The following ASTE1 variants were observed in gnomAD, a reference collection of about 807,000 sequenced individuals.
ASTE1 encodes the protein single-strand DNA endonuclease ASTE1.
A neutral mutation model predicts 45.8 loss-of-function variants in ASTE1; 49 were observed. That is an observed-to-expected ratio of 1.07 (90% CI 0.85 to 1.36). ASTE1 has a LOEUF of 1.36. Ranked by LOEUF, ASTE1 falls within the 40% of genes most tolerant of loss-of-function variation. The pLI is 0.00. For synonymous variants in ASTE1, 296 were observed against 303.9 expected, an observed-to-expected ratio of 0.97 and a Z score of 0.27; for missense variants, 709 against 804.0, an observed-to-expected ratio of 0.88 and a Z score of 1.43.
chr3:131,019,654 T>A (rs957398456), intron 3 of ASTE1, among the ~76,000 whole-genome samples: 2 of 152,236 alleles, frequency 1.3e-5, no homozygotes, highest in African/African-American at 4.8e-5. Flanking sequence ...TCCTAGTGTC[T>A]GCACACAGCC....
At chr3:131,019,626 GAAAAAGAA>G (rs2063715572) in intron 3 of ASTE1, among the ~76,000 whole-genome samples, 1 of 152,122 alleles carries the variant, frequency 6.6e-6, no homozygotes, top group Non-Finnish European at 1.5e-5. Flanking sequence ...CAAACTTTAA[GAAAAAGAA>G]AAGTTGTATT....
At chr3:131,023,793 C>G (rs528746900) in intron 3 of ASTE1, among the ~76,000 whole-genome samples, 20 of 152,202 alleles carry the variant, frequency 1.3e-4, no homozygotes, top group Non-Finnish European at 2.2e-4. Flanking sequence ...AGATTTAGAG[C>G]TAAAAGAGCT....
chr3:131,025,252 T>G lies in ASTE1; in HGVS notation c.55A>C (p.Thr19Pro), dbSNP rs1560066418. The G allele has an allele frequency of 3.1e-6, 5 of 1,614,190 alleles. No individual in the cohort carries two copies. Among genetic ancestry groups the G allele is most frequent in the Non-Finnish European group, 3.4e-6 (4 of 1,180,034 alleles). Residue 19 changes from threonine (T) to proline (P), a missense_variant, in exon 3 of 6, where the codon ACT becomes CCT. By Grantham distance (38) the Thr-to-Pro change is conservative. Transcript: ENST00000264992. ...FVEDHSNEFFTDLKLRDTKIV... is the reference protein window; with the variant it reads ...FVEDHSNEFFPDLKLRDTKIV... ...TTTGTGTCCCGCAACTTCAAATCAGTGAAGAACTCATTACTATGATCTTCC... is the reference window on the plus strand; with the variant it reads ...TTTGTGTCCCGCAACTTCAAATCAGGGAAGAACTCATTACTATGATCTTCC...
At chr3:131,016,074 A>G in intron 5 of ASTE1, 70 bp downstream of exon 5, 1 of 1,544,944 alleles carries the variant, frequency 6.5e-7, no homozygotes, top group Non-Finnish European at 8.8e-7. Flanking sequence ...TGTTGCTTTA[A>G]ATATAAGTGA....
At chr3:131,022,831 G>GGCTA (rs1361659652) in intron 3 of ASTE1, among the ~76,000 whole-genome samples, 2 of 152,146 alleles carry the variant, frequency 1.3e-5, no homozygotes, top group Admixed American at 1.3e-4. Flanking sequence ...GAGGCTAAGA[G>GGCTA]GCTAGTTCCT....
intron 3 of ASTE1, among the ~76,000 whole-genome samples, chr3:131,020,976 G>A (rs1004752043): frequency 2.6e-5 from 4 of 152,040 alleles, no homozygotes; most frequent in Non-Finnish European, 5.9e-5. Flanking sequence ...CACACCATAC[G>A]CACCCACAAA....
At position 131,024,019 on chromosome 3, in the gene ASTE1, T is replaced by C. The variant is rs1310734161; in HGVS notation, c.1288A>G (p.Ser430Gly). 9.4e-6 allele frequency: 15 copies of C among 1,600,658 alleles called. No homozygotes were observed. Among genetic ancestry groups the C allele is most frequent in the Non-Finnish European group, 1.3e-5 (15 of 1,171,506 alleles). The change falls in exon 3 of 6, where the codon AGC becomes GGC. Residue 430 changes from serine to glycine, a missense_variant. Physicochemically the swap from Ser to Gly is moderately conservative, Grantham distance 56. Coordinates refer to ENST00000264992, the MANE Select transcript of ASTE1 (RefSeq NM_014065.4). The part of the protein sequence containing the change: ...VELAKDHSDL[S>G]RLTELSLRRR... Reference sequence around the variant, plus strand: ...CAAATACTTACCTCAGTCAATCTGCTTAAGTCAGAATGATCCTTGGCCAGT... The same window carrying C: ...CAAATACTTACCTCAGTCAATCTGCCTAAGTCAGAATGATCCTTGGCCAGT...
At chr3:131,017,699 C>G (rs551533169) in intron 4 of ASTE1, among the ~76,000 whole-genome samples, 1 of 151,946 alleles carries the variant, frequency 6.6e-6, no homozygotes, top group Non-Finnish European at 1.5e-5. Context: ...TGGCCGGGCG[C>G]GGTGGCTCAT....
chr3:131,014,330 A>C lies in ASTE1; in HGVS notation c.1767T>G (p.Ser589=), dbSNP rs1320598894. The C allele has an allele frequency of 1.2e-6, 2 of 1,613,232 alleles. No individual in the cohort carries two copies. The highest frequency in any genetic ancestry group is 1.3e-5 in the African/African-American group (1 of 74,858). ...GLCQQLLAST[S]VESLLSICPE... ...GACATATGCTCAGGAGACTTTCTACAGAGGTCGATGCTAGCAGTTGCTGGC... is the reference window on the plus strand; with the variant it reads ...GACATATGCTCAGGAGACTTTCTACCGAGGTCGATGCTAGCAGTTGCTGGC... The change falls in exon 6 of 6, where the codon TCT becomes TCG. Residue 589 remains serine, a synonymous_variant. Coordinates refer to ENST00000264992, the MANE Select transcript of ASTE1 (RefSeq NM_014065.4).
At position 131,026,508 on chromosome 3, in the gene ASTE1, C is replaced by G. The variant is rs1305546169; in HGVS notation, c.-148G>C. On this transcript the variant is annotated splice_region_variant and 5_prime_UTR_variant, in exon 1 of 6. Coordinates refer to ENST00000264992, the MANE Select transcript of ASTE1 (RefSeq NM_014065.4). ...GGACCTGCAGCAGAGCCCACCTACT[C>G]TGTCCTCCCAGAGGAGTAGCTCCTC... is the stretch of plus-strand genomic sequence containing the variant. 3.3e-5 allele frequency: 5 copies of G among 152,882 alleles called. No homozygotes were observed. Among genetic ancestry groups the G allele is most frequent in the African/African-American group, 1.2e-4 (5 of 41,472 alleles). 9.5% of individuals were successfully genotyped at this position (152,882 alleles called of 1,614,324 possible). A position where few individuals can be genotyped will look rare whatever the true frequency, so the allele number is the denominator to read the frequency against.
At chr3:131,023,502 T>C (rs2063769381) in intron 3 of ASTE1, among the ~76,000 whole-genome samples, 1 of 152,162 alleles carries the variant, frequency 6.6e-6, no homozygotes, top group African/African-American at 2.4e-5. Context: ...CAAATAACCA[T>C]AATGACACAA....
chr3:131,021,736 ATTATT>A (rs1236672751), intron 3 of ASTE1, among the ~76,000 whole-genome samples: 1 of 152,208 alleles, frequency 6.6e-6, no homozygotes, highest in Non-Finnish European at 1.5e-5. Context: ...GGATACATTG[ATTATT>A]TTAATTGTAG....
Position 131,016,144 on chromosome 3 carries a change from C to T in ASTE1, c.1709G>A (p.Arg570Gln), listed in dbSNP as rs146481344. The T allele has an allele frequency of 1.3e-4, 209 of 1,613,196 alleles. No homozygotes were observed. The highest frequency in any genetic ancestry group is 2.0e-4 in the African/African-American group (15 of 74,676). Residue 570 changes from arginine (R) to glutamine (Q), a missense_variant and splice_region_variant, in exon 5 of 6, where the codon CGA (arginine) becomes CAA (glutamine). Transcript: ENST00000264992. Reference protein sequence around the residue: ...STPLPEPDLTRLYSGSLVHGL... With the variant: ...STPLPEPDLTQLYSGSLVHGL... ...AACTAAAGTTTCCCATGGTGCTTAC[C>T]GAGTTAGGTCTGGCTCTGGGAGAGG...
intron 3 of ASTE1, 87 bp from the exon 4 acceptor site, chr3:131,018,803 G>A: frequency 1.5e-6 from 2 of 1,333,508 alleles, no homozygotes; most frequent in Non-Finnish European, 2.1e-6. Context: ...GAGATTTAAT[G>A]CTACTGAAAC....
At position 131,026,797 on chromosome 3, in the gene ASTE1, C is replaced by G. The variant is rs1370148795; in HGVS notation, c.-437G>C. 1 of 152,448 alleles carries G rather than the reference C, an allele frequency of 6.6e-6. No individual in the cohort carries two copies. The highest frequency in any genetic ancestry group is 1.5e-5 in the Non-Finnish European group (1 of 68,232). The allele number at this position is 152,448 out of a possible 1,614,324, so 9.4% of individuals were successfully genotyped here. On this transcript the variant is annotated 5_prime_UTR_variant, in exon 1 of 6. Transcript: ENST00000264992. ...GCCGGTCCTCCTCTGCTTTCTCCGC[C>G]TACTTGGGTCGGCGAACACTTCCGC...
intron 5 of ASTE1, among the ~76,000 whole-genome samples, chr3:131,014,749 A>G (rs1577091177): frequency 1.3e-5 from 2 of 152,342 alleles, no homozygotes; most frequent in South Asian, 2.1e-4. Context: ...AATATGAGAA[A>G]ATTTATTGGC....
chr3:131,016,203 C>A lies in ASTE1; in HGVS notation c.1650G>T (p.Gln550His), dbSNP rs116326480. The A allele has an allele frequency of 7.4e-6, 12 of 1,614,168 alleles. No homozygotes were observed. The highest frequency in any genetic ancestry group is 8.5e-6 in the Non-Finnish European group (10 of 1,180,032). ...GCAGCTGGTTGAGATACATCCCCAT[C>A]TGGAGACAGGACTGCCACTGACAGA... ...HIFCQWQSCLQMGMYLNQLLS... is the reference protein window; with the variant it reads ...HIFCQWQSCLHMGMYLNQLLS... Residue 550 changes from glutamine to histidine, a missense_variant, in exon 5 of 6, where the codon CAG becomes CAT. Gln to His is a conservative substitution (Grantham distance 24). Transcript: ENST00000264992.
intron 5 of ASTE1, chr3:131,015,115 G>A: frequency 1.6e-6 from 1 of 632,996 alleles, no homozygotes; most frequent in East Asian, 2.8e-5. Flanking sequence ...AGTCTTATTT[G>A]TGTTAGCTCA....
rs2063483369 is a variant in ASTE1, at chr3:131,014,343, A to G, written c.1754T>C (p.Leu585Pro). 1.2e-6 allele frequency: 2 copies of G among 1,612,022 alleles called. No homozygotes were observed. The highest frequency in any genetic ancestry group is 2.2e-5 in the South Asian group (2 of 90,564). The change falls in exon 6 of 6, where the codon CTA becomes CCA. Residue 585 changes from leucine (L) to proline (P), a missense_variant. Physicochemically the swap from Leu to Pro is moderately conservative, Grantham distance 98 (BLOSUM62 -3). Transcript: ENST00000264992. ...SLVHGLCQQL[L>P]ASTSVESLLS... Reference sequence around the variant, plus strand: ...GAGACTTTCTACAGAGGTCGATGCTAGCAGTTGCTGGCATAGTCCGTGCAC... The same window carrying G: ...GAGACTTTCTACAGAGGTCGATGCTGGCAGTTGCTGGCATAGTCCGTGCAC...
Sources: allele counts gnomAD v4.1 joint callset (sites outside exome capture counted in the v4.1 genomes callset), GRCh38; gene constraint gnomAD v4.1.1; transcripts MANE v1.5; gene names NCBI Gene and HGNC (gene_info 2026-07-23, HGNC 2026-07-21).